The following ALPK2 variants were observed in gnomAD, a reference collection of about 807,000 sequenced individuals.
The protein encoded by ALPK2 is alpha-protein kinase 2.
Under a neutral mutation model 163.1 loss-of-function variants are expected in ALPK2, and 127 were observed. The observed-to-expected ratio is 0.78, with a 90% CI of 0.67 to 0.90. The LOEUF (loss-of-function observed/expected upper bound fraction) is 0.90, where lower values mean the gene tolerates loss of function less well. ALPK2 is among the 40% of genes least tolerant of loss of function. ALPK2 has a pLI of 0.00. For missense variants in ALPK2, 2,360 were observed against 2,589.6 expected, an observed-to-expected ratio of 0.91 and a Z score of 1.92; for synonymous variants, 953 against 959.1, an observed-to-expected ratio of 0.99 and a Z score of 0.12.
intron 4 of ALPK2, among the ~76,000 whole-genome samples, chr18:58,538,998 A>G (rs2051675004): frequency 6.6e-6 from 1 of 151,788 alleles, no homozygotes; most frequent in Non-Finnish European, 1.5e-5. Flanking sequence ...CACCAGATGC[A>G]GATGCCTAAT....
chr18:58,529,339 AT>A (rs2051600611), intron 5 of ALPK2, 101 bp from the exon 6 acceptor site: 4 of 1,244,596 alleles, frequency 3.2e-6, no homozygotes, highest in Non-Finnish European at 4.4e-6. Flanking sequence ...ATTAATTATT[AT>A]CCCCAATTAT....
At chr18:58,625,297 C>T (rs1173535495) in intron 1 of ALPK2, among the ~76,000 whole-genome samples, 1 of 152,190 alleles carries the variant, frequency 6.6e-6, no homozygotes, top group Non-Finnish European at 1.5e-5. Flanking sequence ...CTGCAGGGCA[C>T]CTGATGGGTT....
Position 58,536,215 on chromosome 18 carries a change from A to G in ALPK2, c.3972T>C (p.His1324=), listed in dbSNP as rs3809979. 1,229,483 of 1,613,982 alleles carry G rather than the reference A, an allele frequency of 0.76. 472,041 individuals are homozygous for G. The highest frequency in any genetic ancestry group is 0.81 in the East Asian group (36,244 of 44,874). Residue 1324 remains histidine (H), a synonymous_variant, in exon 5 of 13, where the codon CAT becomes CAC. Transcript: ENST00000361673. ...AACCCCGGGAAGAAAGACTTCTCCAATGTACACTGATGGTGGGCTCTTCGC... is the reference window on the plus strand; with the variant it reads ...AACCCCGGGAAGAAAGACTTCTCCAGTGTACACTGATGGTGGGCTCTTCGC... ...HKGEEPTISV[H]WRSLSSRGFS...
chr18:58,520,351 C>T (rs1430123742), intron 8 of ALPK2, among the ~76,000 whole-genome samples: 1 of 128,982 alleles, frequency 7.8e-6, no homozygotes, highest in East Asian at 2.4e-4. Context: ...ACTGCTTGAA[C>T]TTGGGAGGTG....
intron 10 of ALPK2, among the ~76,000 whole-genome samples, chr18:58,505,030 A>C (rs2051454719): frequency 6.6e-6 from 1 of 152,078 alleles, no homozygotes; most frequent in African/African-American, 2.4e-5. Flanking sequence ...GGGACCTGGG[A>C]GACCATTTGG....
Position 58,537,467 on chromosome 18 carries a change from G to T in ALPK2, c.2720C>A (p.Thr907Lys), listed in dbSNP as rs1317064184. The T allele has an allele frequency of 1.9e-6, 3 of 1,611,982 alleles. No individual in the cohort carries two copies. Among genetic ancestry groups the T allele is most frequent in the African/African-American group, 1.3e-5 (1 of 74,882 alleles). ...CTCCACCTTGGCTAGATTTTCTCCT[G>T]TGGCACCTTCACTAGCTGTGTGTGA... ...NISHTASEGA[T>K]GENLAKVENS... Residue 907 changes from threonine to lysine, a missense_variant, in exon 5 of 13, where the codon ACA becomes AAA. Physicochemically the swap from Thr to Lys is moderately conservative, Grantham distance 78. Coordinates refer to ENST00000361673, the MANE Select transcript of ALPK2 (RefSeq NM_052947.4).
At position 58,537,821 on chromosome 18, in the gene ALPK2, T is replaced by C. The variant is rs568923620; in HGVS notation, c.2366A>G (p.Glu789Gly). The C allele has an allele frequency of 6.2e-7, 1 of 1,614,094 alleles. No individual in the cohort carries two copies. Among genetic ancestry groups the C allele is most frequent in the Admixed American group, 1.7e-5 (1 of 60,016 alleles). The change falls in exon 5 of 13, where the codon GAA (glutamate) becomes GGA (glycine). Residue 789 changes from glutamate (E) to glycine (G), a missense_variant. Coordinates refer to ENST00000361673, the MANE Select transcript of ALPK2 (RefSeq NM_052947.4). The stretch of plus-strand genomic sequence containing the variant: ...GTCCCTTGGCTCATCACACACATTT[T>C]CCAGGGTGAGGGCAGTATCTGTGGG... ...PEPTDTALTL[E>G]NVCDEPRDRE...
intron 1 of ALPK2, among the ~76,000 whole-genome samples, chr18:58,626,248 G>A (rs1303707033): frequency 6.6e-6 from 1 of 152,144 alleles, no homozygotes; most frequent in African/African-American, 2.4e-5. Flanking sequence ...AAGCCCGCTT[G>A]TGAATCTCGT....
intron 12 of ALPK2, 134 bp downstream of exon 12, chr18:58,497,915 T>G (rs1298458843): frequency 1.3e-6 from 1 of 749,088 alleles, no homozygotes; most frequent in African/African-American, 1.7e-5. Flanking sequence ...AGAAATGAAT[T>G]CATTCCAAGA....
chr18:58,504,111 T>G lies in ALPK2; in HGVS notation c.6067A>C (p.Asn2023His). The change falls in exon 11 of 13, where the codon AAT becomes CAT. Residue 2023 changes from asparagine (N) to histidine (H), a missense_variant. Transcript: ENST00000361673. Reference sequence around the variant, plus strand: ...TCCTCCACTGTAGCATACGGGATATTGTTCTCAGGCCGATGGATAAGAAAA... The same window carrying G: ...TCCTCCACTGTAGCATACGGGATATGGTTCTCAGGCCGATGGATAAGAAAA... ...PIFLIHRPEN[N>H]IPYATVEEEL... 6.2e-7 allele frequency: 1 copy of G among 1,614,196 alleles called. No individual in the cohort carries two copies. The highest frequency in any genetic ancestry group is 2.2e-5 in the East Asian group (1 of 44,888).
intron 3 of ALPK2, among the ~76,000 whole-genome samples, chr18:58,591,755 A>G (rs899049736): frequency 2.0e-5 from 3 of 152,130 alleles, no homozygotes; most frequent in African/African-American, 7.2e-5. Flanking sequence ...GAACTTGGGG[A>G]AGTGGTAGGT....
Position 58,568,404 on chromosome 18 carries a change from C to T in ALPK2, c.1962+10410G>A, listed in dbSNP as rs143904838. Among the ~76,000 whole-genome samples the T allele has an allele frequency of 3.2e-3, 484 of 152,310 alleles. 2 individuals are homozygous for T. Among genetic ancestry groups the T allele is most frequent in the African/African-American group, 0.01 (433 of 41,572 alleles). Reference sequence around the variant, plus strand: ...TAGCCTTTAGCTCTCTGCAGCCCTACTCAGGGGAGGTGGAACTTGGAACCC... The same window carrying T: ...TAGCCTTTAGCTCTCTGCAGCCCTATTCAGGGGAGGTGGAACTTGGAACCC... On this transcript the variant is annotated intron_variant, in intron 4 of 12. Transcript: ENST00000361673.
Position 58,580,240 on chromosome 18 carries a change from T to C in ALPK2, c.536A>G (p.Asn179Ser), listed in dbSNP as rs771318192. ...AGAACTGGACACACTAATGTCAAGA[T>C]TGCCCAATGACTGGAGGGAGAGTGA... ...NHSLSLQSLG[N>S]LDISVSSSEN... Residue 179 changes from asparagine (N) to serine (S), a missense_variant, in exon 4 of 13, where the codon AAT becomes AGT. Transcript: ENST00000361673. The C allele has an allele frequency of 1.5e-5, 24 of 1,614,226 alleles. No homozygotes were observed. Among genetic ancestry groups the C allele is most frequent in the Non-Finnish European group, 2.0e-5 (24 of 1,180,032 alleles).
At chr18:58,576,139 T>C (rs1266977881) in intron 4 of ALPK2, among the ~76,000 whole-genome samples, 1 of 152,112 alleles carries the variant, frequency 6.6e-6, no homozygotes, top group Non-Finnish European at 1.5e-5. Context: ...TTTGGGAGGC[T>C]GAGGTGGGTG....
intron 12 of ALPK2, among the ~76,000 whole-genome samples, chr18:58,490,890 G>A (rs887622161): frequency 3.3e-5 from 5 of 152,186 alleles, no homozygotes; most frequent in African/African-American, 4.8e-5. Context: ...CTATGGGTCC[G>A]TTTTTGAGGT....
At chr18:58,601,920 G>A (rs2052072090) in intron 3 of ALPK2, among the ~76,000 whole-genome samples, 1 of 152,204 alleles carries the variant, frequency 6.6e-6, no homozygotes, top group Admixed American at 6.5e-5. Context: ...AATTCTGACT[G>A]TGGGGATTGA....
chr18:58,587,407 A>C (rs542099995), intron 3 of ALPK2, among the ~76,000 whole-genome samples: 1 of 152,380 alleles, frequency 6.6e-6, no homozygotes, highest in East Asian at 1.9e-4. Flanking sequence ...CCATACACAG[A>C]AAAAGCAATC....
At chr18:58,500,688 G>A (rs1158724270) in intron 11 of ALPK2, among the ~76,000 whole-genome samples, 1 of 152,096 alleles carries the variant, frequency 6.6e-6, no homozygotes, top group Non-Finnish European at 1.5e-5. Context: ...ACTTTGGGAG[G>A]CCCAGGCAGG....
intron 3 of ALPK2, among the ~76,000 whole-genome samples, chr18:58,581,561 T>C (rs1297734737): frequency 6.6e-6 from 1 of 152,194 alleles, no homozygotes; most frequent in Admixed American, 6.5e-5. Flanking sequence ...GCTCCTCCCA[T>C]CATTGTTCAG....
Sources: allele counts gnomAD v4.1 joint callset (sites outside exome capture counted in the v4.1 genomes callset), GRCh38; gene constraint gnomAD v4.1.1; transcripts MANE v1.5; gene names NCBI Gene and HGNC (gene_info 2026-07-23, HGNC 2026-07-21).